The following DENND5B variants were observed in gnomAD, a reference collection of about 807,000 sequenced individuals.
The protein encoded by DENND5B is DENN domain containing 5B.
In DENND5B, 34 loss-of-function variants were observed where a neutral mutation model predicts 140.6. The observed-to-expected ratio is 0.24, with a 90% confidence interval of 0.18 to 0.32. The LOEUF is 0.32. Ranked by LOEUF, DENND5B falls within the 10% of genes least tolerant of loss-of-function variation. The pLI is 1.00. For synonymous variants in DENND5B, 551 were observed against 562.1 expected (o/e 0.98, Z 0.28); for missense variants, 1,142 against 1,560.2 (o/e 0.73, Z 4.52).
chr12:31,422,027 T>C (rs1420969506), intron 11 of DENND5B, among the ~76,000 whole-genome samples: 1 of 152,122 alleles, frequency 6.6e-6, no homozygotes, highest in Non-Finnish European at 1.5e-5. Context: ...AGCTGTCTGA[T>C]TAAATACATT....
chr12:31,460,418 A>C (rs1241147240), intron 3 of DENND5B, 37 bp from the exon 4 acceptor site: 1 of 1,569,008 alleles, frequency 6.4e-7, no homozygotes, highest in Non-Finnish European at 8.7e-7. Context: ...GGAAGAGTCC[A>C]AGTAAAAACA....
chr12:31,576,472 A>G (rs182627369), intron 1 of DENND5B, among the ~76,000 whole-genome samples: 1 of 152,044 alleles, frequency 6.6e-6, no homozygotes, highest in East Asian at 1.9e-4. Context: ...AAGTAATAAT[A>G]ATGAAAGATA....
chr12:31,406,076 A>G (rs1189901178), intron 14 of DENND5B, among the ~76,000 whole-genome samples: 1 of 150,092 alleles, frequency 6.7e-6, no homozygotes, highest in Non-Finnish European at 1.5e-5. Flanking sequence ...TGACCTCCTG[A>G]CCTCAGGTGA....
At chr12:31,585,525 C>T (rs1472897740) in intron 1 of DENND5B, among the ~76,000 whole-genome samples, 12 of 152,266 alleles carry the variant, frequency 7.9e-5, no homozygotes, top group Admixed American at 7.2e-4. Context: ...TCAAGCTCAT[C>T]TTTTTTCTGA....
intron 1 of DENND5B, among the ~76,000 whole-genome samples, chr12:31,517,296 T>C (rs1947696865): frequency 6.6e-6 from 1 of 152,188 alleles, no homozygotes; most frequent in Non-Finnish European, 1.5e-5. Flanking sequence ...TAGGCAAATG[T>C]TTGTTTTGTT....
chr12:31,566,888 C>T (rs542436888), intron 1 of DENND5B, among the ~76,000 whole-genome samples: 85 of 152,182 alleles, frequency 5.6e-4, no homozygotes, highest in Middle Eastern at 3.4e-3. Context: ...TAGCTGGGTT[C>T]GGTGGAGTGT....
At chr12:31,590,627 G>A (rs1260133418) in intron 1 of DENND5B, 79 bp downstream of exon 1, 2 of 1,365,092 alleles carry the variant, frequency 1.5e-6, no homozygotes, top group Non-Finnish European at 1.9e-6. Flanking sequence ...TCTGGAGCCT[G>A]CACCCCGCCT....
chr12:31,429,905 C>A (rs1307404731), intron 8 of DENND5B, among the ~76,000 whole-genome samples: 1 of 151,994 alleles, frequency 6.6e-6, no homozygotes, highest in African/African-American at 2.4e-5. Flanking sequence ...TGGGGTTTCA[C>A]CATGTTGGCC....
At position 31,505,296 on chromosome 12, in the gene DENND5B, C is replaced by T. The variant is rs1025216051; in HGVS notation, c.128-9377G>A. Among the ~76,000 whole-genome samples, 71 of 147,310 alleles carry T rather than the reference C, an allele frequency of 4.8e-4. 1 individual carries two copies. Among genetic ancestry groups the T allele is most frequent in the African/African-American group, 1.4e-3 (54 of 39,670 alleles). On this transcript the variant is annotated intron_variant, in intron 1 of 20. Coordinates refer to ENST00000389082, the MANE Select transcript of DENND5B (RefSeq NM_144973.4). Reference sequence around the variant, plus strand: ...CTCTGTCACCCAGGCTAGAGTGTGACGTTGAGATCTTGGCTCACTGCAACC... The same window carrying T: ...CTCTGTCACCCAGGCTAGAGTGTGATGTTGAGATCTTGGCTCACTGCAACC...
At chr12:31,525,779 C>A (rs1355212759) in intron 1 of DENND5B, among the ~76,000 whole-genome samples, 1 of 152,132 alleles carries the variant, frequency 6.6e-6, no homozygotes, top group African/African-American at 2.4e-5. Flanking sequence ...TTGGCTTGAG[C>A]TGAGGAGCTC....
At chr12:31,454,812 CTTT>C (rs201720111) in intron 4 of DENND5B, among the ~76,000 whole-genome samples, 3 of 93,884 alleles carry the variant, frequency 3.2e-5, no homozygotes, top group African/African-American at 5.6e-5. Context: ...GATTCAGTAT[CTTT>C]TTTTTTTTTT....
At position 31,441,700 on chromosome 12, in the gene DENND5B, A is replaced by C. The variant is rs150575592; in HGVS notation, c.2012+1075T>G. Among the ~76,000 whole-genome samples, 630 of 151,940 alleles carry C rather than the reference A, an allele frequency of 4.1e-3. 5 individuals carry two copies. The highest frequency in any genetic ancestry group is 0.014 in the African/African-American group (574 of 41,420). ...TTAATCCACAATTCTTTTTAATACT[A>C]TTTTTATTTTTTGAGACAGGGCCTG... On this transcript the variant is annotated intron_variant, in intron 7 of 20. Transcript: ENST00000389082.
chr12:31,399,912 A>G (rs946143215), intron 15 of DENND5B, 140 bp from the exon 16 acceptor site: 3 of 584,846 alleles, frequency 5.1e-6, no homozygotes, highest in Non-Finnish European at 6.1e-6. Context: ...CACTAGAGAA[A>G]TATATTCACA....
At chr12:31,441,110 A>G (rs1481923339) in intron 7 of DENND5B, among the ~76,000 whole-genome samples, 1 of 152,124 alleles carries the variant, frequency 6.6e-6, no homozygotes, top group Non-Finnish European at 1.5e-5. Context: ...TGGGAGGCCA[A>G]GGAGTTCAGG....
chr12:31,434,494 A>T (rs1943652616), intron 7 of DENND5B, among the ~76,000 whole-genome samples: 2 of 152,060 alleles, frequency 1.3e-5, no homozygotes, highest in Non-Finnish European at 2.9e-5. Context: ...TAATGATTCA[A>T]CTCATGTGCC....
intron 1 of DENND5B, among the ~76,000 whole-genome samples, chr12:31,566,479 A>G (rs1949636364): frequency 1.3e-5 from 2 of 152,042 alleles, no homozygotes; most frequent in South Asian, 4.2e-4. Context: ...ACGATAAAAC[A>G]TGTCATAGGC....
chr12:31,538,944 C>A (rs1185652087), intron 1 of DENND5B, among the ~76,000 whole-genome samples: 1 of 143,694 alleles, frequency 7.0e-6, no homozygotes, highest in African/African-American at 2.6e-5. Context: ...TACAAAACTT[C>A]AATGAAACAA....
At chr12:31,502,160 C>G (rs571015422) in intron 1 of DENND5B, among the ~76,000 whole-genome samples, 27 of 151,594 alleles carry the variant, frequency 1.8e-4, no homozygotes, top group African/African-American at 5.6e-4. Flanking sequence ...ACTAAAAATA[C>G]AAAAATTAGC....
intron 11 of DENND5B, among the ~76,000 whole-genome samples, chr12:31,419,859 G>A (rs1047581885): frequency 6.6e-6 from 1 of 150,852 alleles, no homozygotes; most frequent in African/African-American, 2.4e-5. Flanking sequence ...TGTAATCCCA[G>A]CTATTCAGGA....
Sources: allele counts gnomAD v4.1 joint callset (sites outside exome capture counted in the v4.1 genomes callset), GRCh38; gene constraint gnomAD v4.1.1; transcripts MANE v1.5; gene names NCBI Gene and HGNC (gene_info 2026-07-23, HGNC 2026-07-21).